RBFOX2: variants seen among roughly 807,000 people sequenced by gnomAD.
The protein encoded by RBFOX2 is RNA binding fox-1 homolog 2.
In RBFOX2, 10 loss-of-function variants were observed where a neutral mutation model predicts 49.1. That is an observed-to-expected ratio of 0.20 (90% CI 0.13 to 0.35). RBFOX2 has a LOEUF of 0.35. Among genes scored for constraint, RBFOX2 ranks in the 10% least tolerant of loss-of-function variants. The pLI, the probability that RBFOX2 is intolerant of heterozygous loss-of-function variation, is 1.00. For synonymous variants in RBFOX2, 183 were observed against 187.4 expected (o/e 0.98, Z 0.19); for missense variants, 323 against 486.9 (o/e 0.66, Z 3.17).
upstream of RBFOX2, among the ~76,000 whole-genome samples, chr22:35,942,964 T>C (rs2053864289): frequency 6.6e-6 from 1 of 152,202 alleles, no homozygotes; most frequent in African/African-American, 2.4e-5. Context: ...GTCCTCACAA[T>C]GCATAAAACA....
chr22:35,861,758 T>C (rs1468726334), intron 1 of RBFOX2, among the ~76,000 whole-genome samples: 1 of 152,146 alleles, frequency 6.6e-6, no homozygotes, highest in Non-Finnish European at 1.5e-5. Context: ...ACACCTACCA[T>C]ATGATCTATC....
upstream of RBFOX2, among the ~76,000 whole-genome samples, chr22:35,966,388 T>C (rs1325368337): frequency 6.6e-6 from 1 of 152,166 alleles, no homozygotes; most frequent in East Asian, 1.9e-4. Flanking sequence ...ACACTTACGT[T>C]GAGCTTTGGT....
At chr22:36,001,621 G>C (rs1022198727) in intron 1 of RBFOX2, among the ~76,000 whole-genome samples, 3 of 152,024 alleles carry the variant, frequency 2.0e-5, no homozygotes, top group Non-Finnish European at 4.4e-5. Context: ...AAATTAGCCA[G>C]GCATAGTAGT....
chr22:35,817,777 G>C (rs1667551672), intron 1 of RBFOX2, among the ~76,000 whole-genome samples: 2 of 152,062 alleles, frequency 1.3e-5, no homozygotes, highest in Admixed American at 6.6e-5. Context: ...GTACAATCTT[G>C]AGCTCTTATA....
At chr22:35,923,027 A>G (rs896562654) in intron 1 of RBFOX2, among the ~76,000 whole-genome samples, 1 of 152,198 alleles carries the variant, frequency 6.6e-6, no homozygotes, top group African/African-American at 2.4e-5. Context: ...ATTTAGTGTG[A>G]GTCCTGCACG....
chr22:35,907,715 C>T (rs2049286298), intron 1 of RBFOX2, among the ~76,000 whole-genome samples: 1 of 151,882 alleles, frequency 6.6e-6, no homozygotes, highest in African/African-American at 2.4e-5. Context: ...TGGCGTGACT[C>T]CAGCTCACTG....
intron 2 of RBFOX2, among the ~76,000 whole-genome samples, chr22:35,798,647 A>T (rs1207955035): frequency 6.6e-6 from 1 of 152,198 alleles, no homozygotes; most frequent in African/African-American, 2.4e-5. Context: ...AGGCACTCAA[A>T]TATATTAGTT....
At chr22:35,799,655 A>G (rs1290166821) in intron 2 of RBFOX2, among the ~76,000 whole-genome samples, 2 of 152,166 alleles carry the variant, frequency 1.3e-5, no homozygotes, top group Non-Finnish European at 2.9e-5. Context: ...ATGGTTAAAA[A>G]TAATTACTTC....
At chr22:35,843,113 CAA>C (rs1569361560), upstream of RBFOX2, among the ~76,000 whole-genome samples, 2 of 152,102 alleles carry the variant, frequency 1.3e-5, no homozygotes, top group African/African-American at 4.8e-5. Flanking sequence ...CCCTGGTGTC[CAA>C]GAGAGAGAAG....
At chr22:35,908,830 C>A (rs1238209521) in intron 1 of RBFOX2, among the ~76,000 whole-genome samples, 2 of 151,334 alleles carry the variant, frequency 1.3e-5, no homozygotes, top group Non-Finnish European at 2.9e-5. Flanking sequence ...CCTCTTTCAT[C>A]CAATTTCTCA....
chr22:36,011,321 CAA>C (rs2058813274), intron 1 of RBFOX2, among the ~76,000 whole-genome samples: 2 of 152,060 alleles, frequency 1.3e-5, no homozygotes, highest in Admixed American at 6.6e-5. Context: ...CGTGAAAAAA[CAA>C]GAGATGTAGA....
At chr22:35,845,271 AAT>A (rs2041036647), upstream of RBFOX2, among the ~76,000 whole-genome samples, 1 of 152,160 alleles carries the variant, frequency 6.6e-6, no homozygotes, top group Admixed American at 6.5e-5. Context: ...ATACCACTTT[AAT>A]ATCCTTTGCC....
intron 1 of RBFOX2, among the ~76,000 whole-genome samples, chr22:36,007,658 A>T (rs1400739053): frequency 6.6e-6 from 1 of 152,206 alleles, no homozygotes; most frequent in African/African-American, 2.4e-5. Context: ...CTATACCCTT[A>T]TTCCTCTGTC....
intron 3 of RBFOX2, among the ~76,000 whole-genome samples, chr22:35,778,860 C>T (rs551159703): frequency 1.3e-4 from 20 of 152,286 alleles, no homozygotes; most frequent in African/African-American, 4.6e-4. Context: ...TGGTCTCGAA[C>T]TCCTGACTTC....
intron 1 of RBFOX2, among the ~76,000 whole-genome samples, chr22:35,870,191 C>T (rs2044191321): frequency 6.6e-6 from 1 of 152,120 alleles, no homozygotes; most frequent in Non-Finnish European, 1.5e-5. Context: ...AATTGGAACG[C>T]AGGAGGCCCA....
intron 1 of RBFOX2, among the ~76,000 whole-genome samples, chr22:35,877,655 A>T (rs2045312796): frequency 6.6e-6 from 1 of 152,246 alleles, no homozygotes. Context: ...ATGAGAAAGC[A>T]TGGTAACTTA....
intron 5 of RBFOX2, among the ~76,000 whole-genome samples, chr22:35,767,625 T>A (rs1398133006): frequency 6.6e-6 from 1 of 152,194 alleles, no homozygotes; most frequent in Non-Finnish European, 1.5e-5. Flanking sequence ...CACAGTACAT[T>A]CGCCAGCCAG....
At chr22:36,018,124 T>C (rs2059112635) in intron 1 of RBFOX2, among the ~76,000 whole-genome samples, 1 of 152,220 alleles carries the variant, frequency 6.6e-6, no homozygotes, top group Admixed American at 6.5e-5. Flanking sequence ...ATGGACAGTT[T>C]CTTGACTACT....
At chr22:35,911,341 T>C (rs1260862639) in intron 1 of RBFOX2, among the ~76,000 whole-genome samples, 2 of 152,210 alleles carry the variant, frequency 1.3e-5, no homozygotes, top group Non-Finnish European at 2.9e-5. Context: ...GTGGGCTTTT[T>C]TGGGAGAGAA....
Sources: allele counts gnomAD v4.1 joint callset (sites outside exome capture counted in the v4.1 genomes callset), GRCh38; gene constraint gnomAD v4.1.1; transcripts MANE v1.5; gene names NCBI Gene and HGNC (gene_info 2026-07-23, HGNC 2026-07-21).